The following CNTNAP2 variants were observed in gnomAD, a reference collection of about 807,000 sequenced individuals.
CNTNAP2 encodes the protein contactin associated protein 2.
CNTNAP2 carries 98 observed loss-of-function variants against 155.2 expected under a neutral mutation model. The observed-to-expected ratio is 0.63, with a 90% CI of 0.54 to 0.75. The LOEUF is 0.75. CNTNAP2 is among the 30% of genes least tolerant of loss of function. The pLI is 0.00. For missense variants in CNTNAP2, 1,727 were observed against 1,688.1 expected (o/e 1.02, Z -0.40); for synonymous variants, 651 against 631.2 (o/e 1.03, Z -0.47).
At chr7:146,716,063 T>C (rs1020523107) in intron 1 of CNTNAP2, among the ~76,000 whole-genome samples, 4 of 152,038 alleles carry the variant, frequency 2.6e-5, no homozygotes, top group African/African-American at 9.7e-5. Flanking sequence ...TAAATTGAGG[T>C]ACAACCAGAT....
intron 13 of CNTNAP2, among the ~76,000 whole-genome samples, chr7:147,641,520 T>C (rs1795278166): frequency 6.6e-6 from 1 of 152,164 alleles, no homozygotes; most frequent in Non-Finnish European, 1.5e-5. Context: ...CAGGTGGTGC[T>C]TGAGAATTTG....
At chr7:147,506,389 G>A (rs906452251) in intron 11 of CNTNAP2, among the ~76,000 whole-genome samples, 2 of 152,100 alleles carry the variant, frequency 1.3e-5, no homozygotes, top group African/African-American at 2.4e-5. Context: ...CTGAGTAGCT[G>A]GGATTACAGG....
At chr7:146,385,708 C>G (rs894969111) in intron 1 of CNTNAP2, among the ~76,000 whole-genome samples, 2 of 152,152 alleles carry the variant, frequency 1.3e-5, no homozygotes, top group African/African-American at 4.8e-5. Context: ...TTACTGATCC[C>G]TTGGGGTTTC....
chr7:146,801,489 T>A, intron 2 of CNTNAP2, among the ~76,000 whole-genome samples: 1 of 152,156 alleles, frequency 6.6e-6, no homozygotes, highest in East Asian at 1.9e-4. Flanking sequence ...TTTCTCCACA[T>A]GTTGAAAGAT....
intron 12 of CNTNAP2, among the ~76,000 whole-genome samples, chr7:147,635,206 A>ATATAT (rs1795157010): frequency 1.3e-5 from 2 of 149,874 alleles, no homozygotes; most frequent in African/African-American, 5.0e-5. Context: ...ATATATGTTT[A>ATATAT]ATTTTAATTA....
At chr7:146,847,397 T>G (rs971248671) in intron 3 of CNTNAP2, among the ~76,000 whole-genome samples, 1 of 152,176 alleles carries the variant, frequency 6.6e-6, no homozygotes, top group Non-Finnish European at 1.5e-5. Context: ...CTGTGTATCT[T>G]CACGCAGATT....
At chr7:146,385,329 A>G (rs777992099) in intron 1 of CNTNAP2, among the ~76,000 whole-genome samples, 3 of 152,156 alleles carry the variant, frequency 2.0e-5, no homozygotes, top group Non-Finnish European at 2.9e-5. Flanking sequence ...GAGCCATGGC[A>G]TGGGTAGTGC....
rs540215490 is a variant in CNTNAP2, at chr7:147,253,149, G to T, written c.1349-46992G>T. On this transcript the variant is annotated intron_variant, in intron 8 of 23. Transcript: ENST00000361727. Reference sequence around the variant, plus strand: ...TTAGATTATTTTCTTACATAGTATTGGCTACTGCCCGTTCTGATGCTTGTA... The same window carrying T: ...TTAGATTATTTTCTTACATAGTATTTGCTACTGCCCGTTCTGATGCTTGTA... Among the ~76,000 whole-genome samples the T allele has an allele frequency of 2.6e-5, 4 of 152,194 alleles. No homozygotes were observed. The South Asian group carries it at 6.2e-4, about 24-fold the overall frequency.
At chr7:146,266,574 C>G (rs901732981) in intron 1 of CNTNAP2, among the ~76,000 whole-genome samples, 3 of 151,938 alleles carry the variant, frequency 2.0e-5, no homozygotes, top group African/African-American at 4.8e-5. Context: ...TTGTTATAAG[C>G]TGTATTCATA....
chr7:146,245,590 G>T (rs1199033502), intron 1 of CNTNAP2, among the ~76,000 whole-genome samples: 1 of 152,094 alleles, frequency 6.6e-6, no homozygotes, highest in Admixed American at 6.5e-5. Flanking sequence ...GCCTAGGAAG[G>T]AAAGGAGTTG....
At chr7:147,233,727 C>T (rs1803736360) in intron 8 of CNTNAP2, among the ~76,000 whole-genome samples, 1 of 151,520 alleles carries the variant, frequency 6.6e-6, no homozygotes, top group African/African-American at 2.4e-5. Flanking sequence ...CCAATTATAC[C>T]TTATTTGAAA....
At chr7:146,451,088 A>G (rs1796473608) in intron 1 of CNTNAP2, among the ~76,000 whole-genome samples, 1 of 152,074 alleles carries the variant, frequency 6.6e-6, no homozygotes, top group Non-Finnish European at 1.5e-5. Context: ...CTGGGACTAC[A>G]GGCACCGACC....
chr7:146,742,167 T>C (rs895252559), intron 1 of CNTNAP2, among the ~76,000 whole-genome samples: 2 of 152,324 alleles, frequency 1.3e-5, no homozygotes, highest in East Asian at 1.9e-4. Context: ...GGTTTACTGA[T>C]TGCTTATTTT....
intron 18 of CNTNAP2, among the ~76,000 whole-genome samples, chr7:148,208,522 C>G (rs1015059051): frequency 6.6e-6 from 1 of 152,142 alleles, no homozygotes; most frequent in Non-Finnish European, 1.5e-5. Context: ...AGAGCCAATG[C>G]CTTACAGAGA....
intron 1 of CNTNAP2, among the ~76,000 whole-genome samples, chr7:146,273,527 T>C (rs2129083726): frequency 6.6e-6 from 1 of 152,236 alleles, no homozygotes; most frequent in East Asian, 1.9e-4. Flanking sequence ...GTGGGTGTGT[T>C]TCAATAAAAT....
At chr7:146,231,744 C>T (rs988016744) in intron 1 of CNTNAP2, among the ~76,000 whole-genome samples, 3 of 152,058 alleles carry the variant, frequency 2.0e-5, no homozygotes, top group Admixed American at 6.6e-5. Flanking sequence ...GAAGTGCATC[C>T]GGGAATAGGG....
At chr7:148,038,667 A>G (rs1483081309) in intron 15 of CNTNAP2, among the ~76,000 whole-genome samples, 1 of 152,094 alleles carries the variant, frequency 6.6e-6, no homozygotes, top group Non-Finnish European at 1.5e-5. Flanking sequence ...TGTTTCTTTA[A>G]TTGGATTTAT....
intron 13 of CNTNAP2, among the ~76,000 whole-genome samples, chr7:147,761,240 G>T (rs768806235): frequency 1.3e-5 from 2 of 152,220 alleles, no homozygotes; most frequent in Non-Finnish European, 2.9e-5. Context: ...GAATGCTGCT[G>T]AAACTGACGT....
intron 9 of CNTNAP2, among the ~76,000 whole-genome samples, chr7:147,363,074 A>C (rs1396886802): frequency 2.0e-5 from 3 of 152,094 alleles, no homozygotes; most frequent in African/African-American, 7.2e-5. Flanking sequence ...CTGAACCTTC[A>C]CCTGTGGCTC....
Sources: gnomAD v4.1 joint callset for allele counts (sites outside exome capture counted in the v4.1 genomes callset) on GRCh38, gnomAD v4.1.1 for gene constraint, MANE v1.5 for transcripts, NCBI Gene and HGNC (gene_info 2026-07-23, HGNC 2026-07-21) for gene names.